Variants in DIP2C observed in about 807,000 individuals in gnomAD.
DIP2C encodes disco-interacting protein 2 homolog C.
In DIP2C, 33 loss-of-function variants were observed where a neutral mutation model predicts 192.4. That is an observed-to-expected ratio of 0.17 (90% CI 0.13 to 0.23). The LOEUF (loss-of-function observed/expected upper bound fraction) is 0.23, where lower values mean the gene tolerates loss of function less well. Among genes scored for constraint, DIP2C ranks in the 10% least tolerant of loss-of-function variants. The pLI is 1.00. For synonymous variants in DIP2C, 979 were observed against 864.1 expected, an observed-to-expected ratio of 1.13 and a Z score of -2.33; for missense variants, 1,537 against 2,110.1, an observed-to-expected ratio of 0.73 and a Z score of 5.32.
intron 1 of DIP2C, among the ~76,000 whole-genome samples, chr10:502,325 T>G (rs566926742): frequency 2.0e-4 from 31 of 152,204 alleles, no homozygotes; most frequent in African/African-American, 7.2e-4. Context: ...GTGAACTAAA[T>G]AAAACCACCA....
intron 1 of DIP2C, among the ~76,000 whole-genome samples, chr10:523,749 ACT>A (rs1846877634): frequency 6.6e-6 from 1 of 150,640 alleles, no homozygotes; most frequent in African/African-American, 2.5e-5. Flanking sequence ...AGATGCAGGG[ACT>A]CTGTGTGACC....
intron 1 of DIP2C, among the ~76,000 whole-genome samples, chr10:645,468 A>G (rs546109900): frequency 5.4e-4 from 82 of 152,336 alleles, no homozygotes; most frequent in Non-Finnish European, 9.7e-4. Flanking sequence ...TAACGCCAAG[A>G]AACATTTTAC....
chr10:574,353 A>G (rs575585399), intron 1 of DIP2C, among the ~76,000 whole-genome samples: 90 of 152,370 alleles, frequency 5.9e-4, no homozygotes, highest in African/African-American at 2.0e-3. Flanking sequence ...TAGAATAACC[A>G]TTCCATTATT....
At chr10:481,270 G>A (rs552973041) in intron 2 of DIP2C, among the ~76,000 whole-genome samples, 96 of 152,332 alleles carry the variant, frequency 6.3e-4, no homozygotes, top group South Asian at 8.3e-4. Flanking sequence ...TGGCATTTAC[G>A]TACTTAAGAA....
chr10:598,850 GCAT>G (rs1851880567), intron 1 of DIP2C, among the ~76,000 whole-genome samples: 1 of 152,208 alleles, frequency 6.6e-6, no homozygotes. Flanking sequence ...TTGTAACTCT[GCAT>G]CAATTATTTT....
intron 2 of DIP2C, among the ~76,000 whole-genome samples, chr10:474,910 G>C (rs1970941286): frequency 6.6e-6 from 1 of 152,160 alleles, no homozygotes; most frequent in Admixed American, 6.6e-5. Context: ...CTGCAAGCCA[G>C]GTTGTAATAT....
In DIP2C at chr10:390,299, T is replaced by C. The variant is rs761238758; in HGVS notation, c.1459A>G (p.Ile487Val). The C allele has an allele frequency of 2.5e-6, 4 of 1,613,958 alleles. No individual in the cohort carries two copies. Among genetic ancestry groups the C allele is most frequent in the South Asian group, 1.1e-5 (1 of 91,052 alleles). Residue 487 changes from isoleucine to valine, a missense_variant, in exon 12 of 37, where the codon ATT (isoleucine) becomes GTT (valine). Ile to Val is a conservative substitution (Grantham distance 29). This residue lies in a region of DIP2C where 677 missense variants were observed against 989.9 expected (regional missense o/e 0.68). Transcript: ENST00000280886. ...GCAGTGTCGTTATTGGCATCTTTAA[T>C]GTGTGGGAACCAGTCTCGGGGCGGT... Reference protein sequence around the residue: ...SKPPRDWFPHIKDANNDTAYI... With the variant: ...SKPPRDWFPHVKDANNDTAYI...
intron 10 of DIP2C, among the ~76,000 whole-genome samples, chr10:398,606 T>A (rs1048456652): frequency 2.0e-5 from 3 of 152,210 alleles, no homozygotes; most frequent in African/African-American, 7.2e-5. Context: ...AAATTCTAAA[T>A]TGAAACCTGT....
Position 689,622 on chromosome 10 carries a change from A to G in DIP2C, c.-44T>C, listed in dbSNP as rs1831472153. 5.5e-6 allele frequency: 6 copies of G among 1,083,932 alleles called. No homozygotes were observed. Among genetic ancestry groups the G allele is most frequent in the South Asian group, 3.7e-5 (1 of 27,078 alleles). 67.1% of individuals were successfully genotyped at this position (1,083,932 alleles called of 1,614,324 possible). ...CCCGCACGGCCTCCTCTTTGTTCGC[A>G]GGCGGAGGTCTCGGCGGCTCCTCGC... On this transcript the variant is annotated 5_prime_UTR_variant, in exon 1 of 37. Coordinates refer to ENST00000280886, the MANE Select transcript of DIP2C (RefSeq NM_014974.3). The surrounding 1 kb of genome is among the most constrained non-coding windows in gnomAD (Gnocchi z 6.1).
intron 3 of DIP2C, among the ~76,000 whole-genome samples, chr10:464,370 G>A (rs1970041404): frequency 6.6e-6 from 1 of 151,670 alleles, no homozygotes; most frequent in African/African-American, 2.4e-5. Context: ...CATTTATGTG[G>A]CCAACAAACT....
intron 2 of DIP2C, chr10:484,733 T>C: frequency 3.1e-6 from 5 of 1,588,422 alleles, no homozygotes; most frequent in Non-Finnish European, 3.4e-6. Flanking sequence ...GGCCCTTTTC[T>C]AATGTGTACC....
At chr10:476,174 CAA>C (rs1427378997) in intron 2 of DIP2C, among the ~76,000 whole-genome samples, 1 of 152,158 alleles carries the variant, frequency 6.6e-6, no homozygotes, top group African/African-American at 2.4e-5. Context: ...TTCACACACT[CAA>C]GAGTCTGGAG....
At position 283,071 on chromosome 10, in the gene DIP2C, T is replaced by C. The variant is rs535240046; in HGVS notation, c.4294+201A>G. Among the ~76,000 whole-genome samples the C allele has an allele frequency of 2.4e-3, 372 of 152,378 alleles. 1 individual carries two copies. Among genetic ancestry groups the C allele is most frequent in the Non-Finnish European group, 4.0e-3 (271 of 68,032 alleles). On this transcript the variant is annotated intron_variant, in intron 35 of 36. Transcript: ENST00000280886. Reference sequence around the variant, plus strand: ...TCTCAGGACAGGACAGGGTATGTGATGCACAGCTCAGCTTGTTGGACACAT... The same window carrying C: ...TCTCAGGACAGGACAGGGTATGTGACGCACAGCTCAGCTTGTTGGACACAT...
At chr10:575,673 T>C (rs1307515831) in intron 1 of DIP2C, among the ~76,000 whole-genome samples, 1 of 152,108 alleles carries the variant, frequency 6.6e-6, no homozygotes, top group Non-Finnish European at 1.5e-5. Context: ...GAGTCCAAGC[T>C]TGCTCAGCAG....
chr10:659,871 T>C (rs1856648248), intron 1 of DIP2C, among the ~76,000 whole-genome samples: 1 of 152,274 alleles, frequency 6.6e-6, no homozygotes, highest in African/African-American at 2.4e-5. Flanking sequence ...TCCTGCTTTC[T>C]CTTTCCCAGG....
rs141757598 is a variant in DIP2C, at chr10:470,069, G to A, written c.268+2370C>T. Among the ~76,000 whole-genome samples the A allele has an allele frequency of 5.9e-5, 9 of 152,282 alleles. No individual in the cohort carries two copies. In the East Asian group the frequency reaches 1.7e-3, roughly 29 times the overall value. On this transcript the variant is annotated intron_variant, in intron 3 of 36. Transcript: ENST00000280886. Reference sequence around the variant, plus strand: ...TGAAATGTTTGATAGATGGACGGATGGTGGACGTAAATGGATGCTTGATAG... The same window carrying A: ...TGAAATGTTTGATAGATGGACGGATAGTGGACGTAAATGGATGCTTGATAG...
intron 1 of DIP2C, among the ~76,000 whole-genome samples, chr10:582,015 C>G (rs1850699897): frequency 6.6e-6 from 1 of 151,938 alleles, no homozygotes; most frequent in Admixed American, 6.6e-5. Flanking sequence ...CCCTCACGCA[C>G]AGTTTACAAT....
chr10:529,656 C>G (rs1847257244), intron 1 of DIP2C, among the ~76,000 whole-genome samples: 1 of 152,310 alleles, frequency 6.6e-6, no homozygotes, highest in East Asian at 1.9e-4. Context: ...GCACCTGGCT[C>G]CGTTGCATCT....
rs113739583 is a variant in DIP2C, at chr10:323,355, C to T, written c.3924+3651G>A. Reference sequence around the variant, plus strand: ...GTCAGTCGGGGGTGCGGGGCTCCAGCGAGAGACCGGCGCTGTTAGAACAGT... The same window carrying T: ...GTCAGTCGGGGGTGCGGGGCTCCAGTGAGAGACCGGCGCTGTTAGAACAGT... On this transcript the variant is annotated intron_variant, in intron 31 of 36. Coordinates refer to ENST00000280886, the MANE Select transcript of DIP2C (RefSeq NM_014974.3). Among the ~76,000 whole-genome samples, 328 of 39,880 alleles carry T rather than the reference C, an allele frequency of 8.2e-3. 8 individuals carry two copies. Among genetic ancestry groups the T allele is most frequent in the South Asian group, 0.021 (19 of 888 alleles). The allele number at this position is 39,880 out of a possible 152,430, so 26.2% of individuals were successfully genotyped here. A position where few individuals can be genotyped will look rare whatever the true frequency, so the allele number is the denominator to read the frequency against.
Sources: gnomAD v4.1 joint callset for allele counts (sites outside exome capture counted in the v4.1 genomes callset) on GRCh38, gnomAD v4.1.1 for gene constraint, gnomAD v4.1.1 regional missense constraint, Gnocchi (gnomAD v3.1) non-coding constraint, MANE v1.5 for transcripts, NCBI Gene and HGNC (gene_info 2026-07-23, HGNC 2026-07-21) for gene names.